Variants in MYB observed in about 807,000 individuals in gnomAD.
The protein encoded by MYB is MYB proto-oncogene, transcription factor, also known as transcriptional activator Myb.
A neutral mutation model predicts 92.9 loss-of-function variants in MYB; 28 were observed. That is an observed-to-expected ratio of 0.30 (90% confidence interval 0.22 to 0.41). The LOEUF (loss-of-function observed/expected upper bound fraction) is 0.41, where lower values mean the gene tolerates loss of function less well. Ranked by LOEUF, MYB falls within the 10% of genes least tolerant of loss-of-function variation. The pLI, the probability that MYB is intolerant of heterozygous loss-of-function variation, is 1.00. For synonymous variants in MYB, 295 were observed against 329.1 expected, an observed-to-expected ratio of 0.90 and a Z score of 1.12; for missense variants, 679 against 929.3, an observed-to-expected ratio of 0.73 and a Z score of 3.50.
intron 15 of MYB, among the ~76,000 whole-genome samples, chr6:135,212,635 A>T (rs569092551): frequency 1.2e-4 from 19 of 152,312 alleles, no homozygotes; most frequent in African/African-American, 4.6e-4. Context: ...CGGCCACAGG[A>T]GGAGGATGTG....
At chr6:135,208,234 A>C (rs1306088090) in intron 15 of MYB, among the ~76,000 whole-genome samples, 1 of 150,954 alleles carries the variant, frequency 6.6e-6, no homozygotes, top group Non-Finnish European at 1.5e-5. Context: ...GCTTGTCACC[A>C]TGCTAGCTAA....
chr6:135,195,941 C>A lies in MYB; in HGVS notation c.1142C>A (p.Thr381Asn). The A allele has an allele frequency of 6.2e-7, 1 of 1,614,084 alleles. No homozygotes were observed. The highest frequency in any genetic ancestry group is 8.5e-7 in the Non-Finnish European group (1 of 1,179,974). Reference sequence around the variant, plus strand: ...AGGTGCATGATCGTCCACCAGGGCACCATTCTGGATAATGTTAAGAACCTC... The same window carrying A: ...AGGTGCATGATCGTCCACCAGGGCAACATTCTGGATAATGTTAAGAACCTC... ...PARCMIVHQG[T>N]ILDNVKNLLE... Residue 381 changes from threonine to asparagine, a missense_variant, in exon 9 of 16, where the codon ACC (threonine) becomes AAC (asparagine). Transcript: ENST00000341911.
chr6:135,196,307 A>G (rs1229648638), intron 9 of MYB, among the ~76,000 whole-genome samples: 1 of 152,214 alleles, frequency 6.6e-6, no homozygotes, highest in East Asian at 1.9e-4. Context: ...GATGACTTAT[A>G]AAGCAGAGCT....
chr6:135,213,163 T>C (rs533335617), intron 15 of MYB, among the ~76,000 whole-genome samples: 4 of 152,330 alleles, frequency 2.6e-5, no homozygotes, highest in Admixed American at 1.3e-4. Flanking sequence ...GGCTACCACA[T>C]CCTGGTGTTT....
At chr6:135,200,613 T>C (rs1312230496) in intron 13 of MYB, 198 bp downstream of exon 13, 16 of 712,514 alleles carry the variant, frequency 2.2e-5, no homozygotes, top group African/African-American at 3.5e-5. Flanking sequence ...AAGCCATCTC[T>C]ATCTACTTCA....
In MYB at chr6:135,199,006, A is replaced by G. The variant is rs774857044; in HGVS notation, c.1665A>G (p.Pro555=). ...GTCACAAATTGACTGTTACAACACC[A>G]TTTCATAGAGACCAGACTGTGAAAA... The part of the protein sequence containing the change: ...LIGHKLTVTT[P]FHRDQTVKTQ... Residue 555 remains proline (P), a synonymous_variant, in exon 11 of 16, where the codon CCA becomes CCG. Transcript: ENST00000341911. 1.2e-6 allele frequency: 2 copies of G among 1,611,884 alleles called. No individual in the cohort carries two copies. The highest frequency in any genetic ancestry group is 1.7e-6 in the Non-Finnish European group (2 of 1,178,688).
chr6:135,203,638 C>A, intron 15 of MYB: 1 of 1,160,868 alleles, frequency 8.6e-7, no homozygotes, highest in Non-Finnish European at 1.2e-6. Flanking sequence ...TTCTTCTGCC[C>A]TCAAATGTTT....
chr6:135,214,258 G>A (rs899144782), intron 15 of MYB, among the ~76,000 whole-genome samples: 16 of 151,712 alleles, frequency 1.1e-4, no homozygotes, highest in Non-Finnish European at 1.9e-4. Context: ...CTGGGCAACA[G>A]AATGAGGCCC....
chr6:135,181,734 A>G lies in MYB; in HGVS notation c.23+198A>G, dbSNP rs1385159408. ...ATGGAAGAGTCTTTGCGGGAAATGT[A>G]TCCGGACGTTGGGAAGCACGCCCTG... On this transcript the variant is annotated intron_variant, in intron 1 of 15. Transcript: ENST00000341911. The surrounding 1 kb of genome is among the most constrained non-coding windows in gnomAD (Gnocchi z 5.3). Among the ~76,000 whole-genome samples, 2 of 152,230 alleles carry G rather than the reference A, an allele frequency of 1.3e-5. No homozygotes were observed. The highest frequency in any genetic ancestry group is 4.8e-5 in the African/African-American group (2 of 41,472).
intron 2 of MYB, 46 bp from the exon 3 acceptor site, chr6:135,187,788 A>G: frequency 7.5e-7 from 1 of 1,341,544 alleles, no homozygotes; most frequent in East Asian, 2.3e-5. Context: ...GAACAGAGTT[A>G]TATAGTAAAT....
chr6:135,210,732 G>C (rs1779591061), intron 15 of MYB, among the ~76,000 whole-genome samples: 1 of 152,130 alleles, frequency 6.6e-6, no homozygotes, highest in Admixed American at 6.5e-5. Context: ...TGGGACCATG[G>C]AATATCCTTC....
intron 13 of MYB, 92 bp from the exon 14 acceptor site, chr6:135,201,547 G>C: frequency 1.4e-6 from 1 of 722,444 alleles, no homozygotes; most frequent in South Asian, 2.0e-5. Flanking sequence ...TTTTATAAAA[G>C]TATTTGAGGG....
At chr6:135,201,294 C>A (rs1778054827) in intron 13 of MYB, among the ~76,000 whole-genome samples, 1 of 152,090 alleles carries the variant, frequency 6.6e-6, no homozygotes, top group African/African-American at 2.4e-5. Context: ...AGTCTTTTGT[C>A]ACCAAAAGAT....
intron 6 of MYB, among the ~76,000 whole-genome samples, chr6:135,193,218 AAAG>A (rs1368428391): frequency 2.0e-5 from 3 of 152,202 alleles, no homozygotes; most frequent in Non-Finnish European, 2.9e-5. Context: ...ATAGGTGGAA[AAAG>A]AAGAAGAAAG....
At chr6:135,215,751 A>G (rs1780346420) in intron 15 of MYB, among the ~76,000 whole-genome samples, 1 of 147,808 alleles carries the variant, frequency 6.8e-6, no homozygotes, top group East Asian at 2.0e-4. Context: ...CTGCGTTTCC[A>G]CCTCTCTCTC....
intron 15 of MYB, among the ~76,000 whole-genome samples, chr6:135,206,641 A>G (rs1042086529): frequency 1.3e-5 from 2 of 152,198 alleles, no homozygotes; most frequent in African/African-American, 4.8e-5. Flanking sequence ...AGTTGCAGTG[A>G]GCCCAGATCG....
chr6:135,181,848 C>G lies in MYB; in HGVS notation c.23+312C>G, dbSNP rs1775097455. 6.6e-6 allele frequency among the ~76,000 whole-genome samples: 1 copy of G among 152,198 alleles called. No homozygotes were observed. Among genetic ancestry groups the G allele is most frequent in the Admixed American group, 6.5e-5 (1 of 15,284 alleles). ...CAGCCGAGGGCAGAGCGGTGCCCAC[C>G]AGCCCCGGGGAGCCCACCAGGTGCC... On this transcript the variant is annotated intron_variant, in intron 1 of 15. Coordinates refer to ENST00000341911, the MANE Select transcript of MYB (RefSeq NM_001130173.2). This position sits in a 1 kb window ranked among gnomAD's most constrained non-coding sequence, Gnocchi z 5.3.
Position 135,201,725 on chromosome 6 carries a change from G to T in MYB, c.2037G>T (p.Gln679His). The change falls in exon 14 of 16, where the codon CAG (glutamine) becomes CAT (histidine). Residue 679 changes from glutamine (Q) to histidine (H), a missense_variant. Transcript: ENST00000341911. Reference sequence around the variant, plus strand: ...GTCTGAATACCCAACTGTTCACGCAGACCTCGCCTGTGGCAGATGCACCGG... The same window carrying T: ...GTCTGAATACCCAACTGTTCACGCATACCTCGCCTGTGGCAGATGCACCGG... ...GDSLNTQLFTQTSPVADAPNI... is the reference protein window; with the variant it reads ...GDSLNTQLFTHTSPVADAPNI... 2 of 1,516,628 alleles carry T rather than the reference G, an allele frequency of 1.3e-6. No homozygotes were observed. Among genetic ancestry groups the T allele is most frequent in the Non-Finnish European group, 8.9e-7 (1 of 1,122,746 alleles). The allele number at this position is 1,516,628 out of a possible 1,614,324, so 93.9% of individuals were successfully genotyped here.
rs980292268 is a variant in MYB, at chr6:135,185,932, A to C, written c.53A>C (p.Asp18Ala). 3.6e-5 allele frequency: 58 copies of C among 1,614,088 alleles called. No homozygotes were observed. The highest frequency in any genetic ancestry group is 4.6e-5 in the Non-Finnish European group (54 of 1,179,998). ...TATAGCAGTGACGAGGATGATGAGG[A>C]CTTTGAGATGTGTGACCATGACTAT... ...SIYSSDEDDE[D>A]FEMCDHDYDG... Residue 18 changes from aspartate (D) to alanine (A), a missense_variant, in exon 2 of 16, where the codon GAC becomes GCC. Asp to Ala is a moderately radical substitution (Grantham distance 126). This residue lies in a region of MYB where 88 missense variants were observed against 145.6 expected (regional missense o/e 0.60). Transcript: ENST00000341911.
Sources: gnomAD v4.1 joint callset for allele counts (sites outside exome capture counted in the v4.1 genomes callset) on GRCh38, gnomAD v4.1.1 for gene constraint, gnomAD v4.1.1 regional missense constraint, Gnocchi (gnomAD v3.1) non-coding constraint, MANE v1.5 for transcripts, NCBI Gene and HGNC (gene_info 2026-07-23, HGNC 2026-07-21) for gene names.